Variants in PARD3B observed in about 807,000 individuals in gnomAD.
PARD3B encodes partitioning defective 3 homolog B.
A neutral mutation model predicts 130.2 loss-of-function variants in PARD3B; 103 were observed. The observed-to-expected ratio is 0.79, with a 90% CI of 0.67 to 0.93. The LOEUF (loss-of-function observed/expected upper bound fraction) is 0.93. Ranked by LOEUF, PARD3B falls within the 40% of genes least tolerant of loss-of-function variation. The probability of loss-of-function intolerance (pLI) is 0.00; values close to 1 mark genes in which losing one functional copy is unlikely to be tolerated. For synonymous variants in PARD3B, 583 were observed against 553.2 expected, an observed-to-expected ratio of 1.05 and a Z score of -0.76; for missense variants, 1,609 against 1,499.2, an observed-to-expected ratio of 1.07 and a Z score of -1.21.
chr2:204,719,973 T>C (rs981458799), intron 2 of PARD3B, among the ~76,000 whole-genome samples: 4 of 152,202 alleles, frequency 2.6e-5, no homozygotes, highest in South Asian at 2.1e-4. Flanking sequence ...AGAGTTTTGC[T>C]TAAGCTTTTG....
intron 2 of PARD3B, among the ~76,000 whole-genome samples, chr2:204,758,481 A>G (rs992077056): frequency 2.6e-5 from 4 of 152,202 alleles, no homozygotes; most frequent in Non-Finnish European, 5.9e-5. Flanking sequence ...TTGAATGTCT[A>G]TGAATGTGAT....
intron 1 of PARD3B, among the ~76,000 whole-genome samples, chr2:204,646,579 G>A (rs149218145): frequency 3.4e-4 from 51 of 152,148 alleles, no homozygotes; most frequent in African/African-American, 1.2e-3. Flanking sequence ...GAACAGGGTT[G>A]TGATGAATAT....
At position 205,458,698 on chromosome 2, in the gene PARD3B, G is replaced by T. The variant is rs553590740; in HGVS notation, c.3044+18026G>T. Among the ~76,000 whole-genome samples, 1 of 152,116 alleles carries T rather than the reference G, an allele frequency of 6.6e-6. No homozygotes were observed. The highest frequency in any genetic ancestry group is 2.1e-4 in the South Asian group (1 of 4,818). On this transcript the variant is annotated intron_variant, in intron 20 of 22. Transcript: ENST00000406610. This position sits in a 1 kb window ranked among gnomAD's most constrained non-coding sequence, Gnocchi z 4.8. ...AATAATGTCACTATCTGAACTGTGGGTCTGTTCATATTGTTTGATTTTCTT... is the reference window on the plus strand; with the variant it reads ...AATAATGTCACTATCTGAACTGTGGTTCTGTTCATATTGTTTGATTTTCTT...
At chr2:204,693,534 A>T (rs1374262066) in intron 2 of PARD3B, among the ~76,000 whole-genome samples, 1 of 152,106 alleles carries the variant, frequency 6.6e-6, no homozygotes, top group Non-Finnish European at 1.5e-5. Flanking sequence ...TCAGGAGAGC[A>T]CCTGGCCTGT....
At chr2:205,334,456 AAG>A (rs1179696386) in intron 18 of PARD3B, among the ~76,000 whole-genome samples, 1 of 152,252 alleles carries the variant, frequency 6.6e-6, no homozygotes, top group Non-Finnish European at 1.5e-5. Context: ...GAGGAAAGGT[AAG>A]AACAAATGCA....
rs559802566 is a variant in PARD3B at position 204,935,590 on chromosome 2, T to C, written c.223-29562T>C. Among the ~76,000 whole-genome samples, 3 of 151,574 alleles carry C rather than the reference T, an allele frequency of 2.0e-5. No homozygotes were observed. The East Asian group carries it at 5.8e-4, about 29-fold the overall frequency. ...TATATATATATTTATATAGTACATA[T>C]ATAGTATGTATTATGTGTGTATACA... On this transcript the variant is annotated intron_variant, in intron 2 of 22. Transcript: ENST00000406610.
intron 1 of PARD3B, among the ~76,000 whole-genome samples, chr2:204,605,715 A>G (rs1282491521): frequency 6.6e-6 from 1 of 152,184 alleles, no homozygotes; most frequent in Non-Finnish European, 1.5e-5. Context: ...GTCATCCGTA[A>G]AAAAGAGAAT....
chr2:205,413,789 A>G (rs758969449), intron 19 of PARD3B, among the ~76,000 whole-genome samples: 5 of 152,204 alleles, frequency 3.3e-5, no homozygotes, highest in Non-Finnish European at 7.3e-5. Flanking sequence ...TCACAGGGAA[A>G]TGAAAATGCT....
At chr2:205,374,427 G>A (rs1421364686) in intron 18 of PARD3B, among the ~76,000 whole-genome samples, 1 of 151,960 alleles carries the variant, frequency 6.6e-6, no homozygotes, top group Non-Finnish European at 1.5e-5. Flanking sequence ...AGTAGAAACG[G>A]TTTCGCCATG....
chr2:204,952,196 T>C (rs552179380), intron 2 of PARD3B, among the ~76,000 whole-genome samples: 3 of 152,346 alleles, frequency 2.0e-5, no homozygotes, highest in South Asian at 4.1e-4. Context: ...AAAATAATGA[T>C]AGACACTTGG....
At chr2:204,668,779 A>G (rs992814626) in intron 1 of PARD3B, among the ~76,000 whole-genome samples, 8 of 152,216 alleles carry the variant, frequency 5.3e-5, no homozygotes, top group African/African-American at 1.9e-4. Flanking sequence ...GTGATGTTAC[A>G]TGACAAATGA....
At chr2:205,505,233 C>T (rs2050311203) in intron 21 of PARD3B, among the ~76,000 whole-genome samples, 2 of 150,992 alleles carry the variant, frequency 1.3e-5, no homozygotes, top group South Asian at 2.1e-4. Flanking sequence ...CACACTGGGG[C>T]CTGTTGTGGG....
At chr2:204,563,082 G>A (rs1574466534) in intron 1 of PARD3B, among the ~76,000 whole-genome samples, 1 of 152,142 alleles carries the variant, frequency 6.6e-6, no homozygotes, top group East Asian at 1.9e-4. Context: ...GTGTTGGCAG[G>A]GCCACGCTTC....
chr2:204,628,910 A>C (rs1249381639), intron 1 of PARD3B, among the ~76,000 whole-genome samples: 1 of 152,226 alleles, frequency 6.6e-6, no homozygotes, highest in African/African-American at 2.4e-5. Flanking sequence ...GGATGAAGAA[A>C]GCAAACATTC....
At chr2:204,600,060 G>A (rs745371356) in intron 1 of PARD3B, among the ~76,000 whole-genome samples, 1 of 151,356 alleles carries the variant, frequency 6.6e-6, no homozygotes, top group Non-Finnish European at 1.5e-5. Flanking sequence ...AGCTCTTTGA[G>A]TTCCTATTTA....
At chr2:205,593,829 G>T (rs781321557) in intron 22 of PARD3B, among the ~76,000 whole-genome samples, 1 of 152,168 alleles carries the variant, frequency 6.6e-6, no homozygotes, top group African/African-American at 2.4e-5. Flanking sequence ...CAGAAATCCC[G>T]TTAGGCAGAG....
chr2:205,070,833 A>G (rs982191626), intron 4 of PARD3B, among the ~76,000 whole-genome samples: 15 of 152,110 alleles, frequency 9.9e-5, no homozygotes, highest in African/African-American at 3.4e-4. Flanking sequence ...ATAACTAACA[A>G]TTTTATGCTG....
At chr2:205,509,511 A>G (rs2050510788) in intron 21 of PARD3B, among the ~76,000 whole-genome samples, 2 of 152,130 alleles carry the variant, frequency 1.3e-5, no homozygotes, top group Non-Finnish European at 2.9e-5. Flanking sequence ...GCATTCAGGC[A>G]TTCAGTTACT....
At chr2:205,002,029 A>G (rs1217389032) in intron 3 of PARD3B, among the ~76,000 whole-genome samples, 1 of 152,168 alleles carries the variant, frequency 6.6e-6, no homozygotes, top group Non-Finnish European at 1.5e-5. Context: ...ACAAAAATAT[A>G]TTTACTCCAT....
Sources: allele counts gnomAD v4.1 joint callset (sites outside exome capture counted in the v4.1 genomes callset), GRCh38; gene constraint gnomAD v4.1.1; non-coding constraint Gnocchi (gnomAD v3.1); transcripts MANE v1.5; gene names NCBI Gene and HGNC (gene_info 2026-07-23, HGNC 2026-07-21).